METAP1: variants seen among roughly 807,000 people sequenced by gnomAD.
The protein encoded by METAP1 is methionine aminopeptidase 1.
METAP1 carries 28 observed loss-of-function variants against 53.8 expected under a neutral mutation model. The ratio of observed to expected loss-of-function variants is 0.52; its 90% CI spans 0.39 to 0.71. The LOEUF is 0.71. METAP1 is among the 30% of genes least tolerant of loss of function. METAP1 has a pLI of 0.00. For synonymous variants in METAP1, 181 were observed against 165.7 expected (o/e 1.09, Z -0.71); for missense variants, 389 against 479.8 (o/e 0.81, Z 1.77).
rs145601239 is a variant in METAP1, at chr4:99,004,484, T to TAC, written c.114+8645_114+8646dup. The stretch of plus-strand genomic sequence containing the variant: ...ACACACACACACACACACACACACA[T>TAC]ACACACACACACACACACACACACA... On this transcript the variant is annotated intron_variant, in intron 1 of 10. Transcript: ENST00000296411. 4.0e-3 allele frequency among the ~76,000 whole-genome samples: 302 copies of TAC among 75,466 alleles called. 1 individual carries two copies. Among genetic ancestry groups the TAC allele is most frequent in the Middle Eastern group, 0.021 (2 of 94 alleles). 49.5% of individuals were successfully genotyped at this position (75,466 alleles called of 152,430 possible). A position where few individuals can be genotyped will look rare whatever the true frequency, so the allele number is the denominator to read the frequency against.
Position 99,028,889 on chromosome 4 carries a change from C to G in METAP1, c.137C>G (p.Ala46Gly), listed in dbSNP as rs576718710. Reference sequence around the variant, plus strand: ...TAGGAATGTTTTAAAGGAAGTTGGGCTACTCACAAGTTACTACATAAGAAA... The same window carrying G: ...TAGGAATGTTTTAAAGGAAGTTGGGGTACTCACAAGTTACTACATAAGAAA... ...CSQECFKGSW[A>G]THKLLHKKAK... Residue 46 changes from alanine to glycine, a missense_variant, in exon 2 of 11, where the codon GCT becomes GGT. Transcript: ENST00000296411. 26 of 1,545,736 alleles carry G rather than the reference C, an allele frequency of 1.7e-5. No individual in the cohort carries two copies. In the South Asian group the frequency reaches 2.8e-4, roughly 16 times the overall value.
At chr4:99,050,072 C>G (rs891989921) in intron 9 of METAP1, among the ~76,000 whole-genome samples, 7 of 152,124 alleles carry the variant, frequency 4.6e-5, no homozygotes, top group African/African-American at 1.7e-4. Flanking sequence ...TCCCATACTT[C>G]ATGCTGACGA....
At chr4:99,023,613 A>C in intron 1 of METAP1, 1 of 985,454 alleles carries the variant, frequency 1.0e-6, no homozygotes, top group East Asian at 1.1e-4. Context: ...TGGTCACATT[A>C]TGAAAACCAT....
At chr4:99,011,134 T>G (rs1459362747) in intron 1 of METAP1, among the ~76,000 whole-genome samples, 1 of 152,158 alleles carries the variant, frequency 6.6e-6, no homozygotes, top group African/African-American at 2.4e-5. Context: ...CCTTTTTAAT[T>G]TGGATGCCTT....
At chr4:99,023,231 T>C in intron 1 of METAP1, 1 of 444,046 alleles carries the variant, frequency 2.3e-6, no homozygotes, top group Non-Finnish European at 3.8e-6. Flanking sequence ...TTTATATTGA[T>C]GTATATCTAA....
chr4:99,026,611 G>A, intron 1 of METAP1: 3 of 985,414 alleles, frequency 3.0e-6, no homozygotes, highest in Non-Finnish European at 3.6e-6. Context: ...AGGAGGGAAA[G>A]ATTGCCCTGT....
chr4:99,032,764 G>C (rs1359089921), intron 2 of METAP1, among the ~76,000 whole-genome samples: 1 of 152,074 alleles, frequency 6.6e-6, no homozygotes. Flanking sequence ...AGGCTCAGTT[G>C]GCCCCCATTT....
At chr4:99,046,579 A>G (rs1171458036) in intron 8 of METAP1, among the ~76,000 whole-genome samples, 1 of 152,180 alleles carries the variant, frequency 6.6e-6, no homozygotes, top group Non-Finnish European at 1.5e-5. Context: ...CATCAACAGA[A>G]TAGTGAACAG....
intron 1 of METAP1, among the ~76,000 whole-genome samples, chr4:99,024,308 C>T (rs1400268606): frequency 1.3e-5 from 2 of 152,124 alleles, no homozygotes; most frequent in Admixed American, 6.5e-5. Flanking sequence ...TTGGAGAGCT[C>T]GGCTCTTGAG....
In METAP1 at chr4:99,035,408, A is replaced by C. The variant is rs1276042600; in HGVS notation, c.288A>C (p.Thr96=). 1 of 1,547,458 alleles carries C rather than the reference A, an allele frequency of 6.5e-7. No individual in the cohort carries two copies. The highest frequency in any genetic ancestry group is 1.2e-5 in the South Asian group (1 of 83,916). Residue 96 remains threonine (T), a synonymous_variant, in exon 4 of 11, where the codon ACA becomes ACC. Transcript: ENST00000296411. ...KLRPHYPLMP[T]RPVPSYIQRP... The stretch of plus-strand genomic sequence containing the variant: ...ACTAACTTTGTTTTTAGATGCCAAC[A>C]AGGCCAGTGCCAAGTTATATTCAAA...
chr4:99,033,521 G>A (rs540984920), intron 2 of METAP1, among the ~76,000 whole-genome samples: 2 of 152,204 alleles, frequency 1.3e-5, no homozygotes, highest in African/African-American at 4.8e-5. Context: ...TAGAATTCTT[G>A]CGTATATTTC....
chr4:99,038,049 T>A (rs1725559661), intron 4 of METAP1: 1 of 151,964 alleles, frequency 6.6e-6, no homozygotes, highest in South Asian at 2.1e-4. Flanking sequence ...GTACTTCATC[T>A]TTTTAGTTGT....
chr4:99,006,818 T>C (rs1352736485), intron 1 of METAP1, among the ~76,000 whole-genome samples: 1 of 152,248 alleles, frequency 6.6e-6, no homozygotes, highest in Non-Finnish European at 1.5e-5. Context: ...TACTAGCTTC[T>C]TGAAGAGGCT....
chr4:99,001,840 C>T (rs1038598093), intron 1 of METAP1, among the ~76,000 whole-genome samples: 1 of 152,158 alleles, frequency 6.6e-6, no homozygotes, highest in Non-Finnish European at 1.5e-5. Flanking sequence ...GTGGTTCTCA[C>T]AGTGTAGTTA....
chr4:99,007,107 C>T (rs1460675718), intron 1 of METAP1, among the ~76,000 whole-genome samples: 1 of 151,966 alleles, frequency 6.6e-6, no homozygotes, highest in Non-Finnish European at 1.5e-5. Flanking sequence ...ATAGGCATGC[C>T]ACCATGCCTG....
intron 5 of METAP1, among the ~76,000 whole-genome samples, chr4:99,039,827 C>T (rs532159972): frequency 7.4e-4 from 112 of 151,898 alleles, no homozygotes; most frequent in Admixed American, 2.0e-3. Context: ...CTCCTGACCT[C>T]GTGATCTGCC....
intron 1 of METAP1, among the ~76,000 whole-genome samples, chr4:98,999,629 G>C (rs1722827408): frequency 6.7e-6 from 1 of 148,724 alleles, no homozygotes; most frequent in Non-Finnish European, 1.5e-5. Context: ...TGCTGCTTCA[G>C]CCTCCCCAGT....
In METAP1 at chr4:99,034,298, G is replaced by T; in HGVS notation, c.235G>T (p.Ala79Ser). The change falls in exon 3 of 11, where the codon GCA becomes TCA. Residue 79 changes from alanine (A) to serine (S), a missense_variant. Transcript: ENST00000296411. ...AGGTGATATTAATACTGACCCATGG[G>T]CAGGTTATCGATATACTGGTAAACT... Reference protein sequence around the residue: ...VEGDINTDPWAGYRYTGKLRP... With the variant: ...VEGDINTDPWSGYRYTGKLRP... 2 of 1,550,014 alleles carry T rather than the reference G, an allele frequency of 1.3e-6. No homozygotes were observed. The highest frequency in any genetic ancestry group is 2.4e-5 in the East Asian group (1 of 40,884).
Position 98,995,726 on chromosome 4 carries a change from T to C in METAP1, c.-28T>C. 2 of 1,528,444 alleles carry C rather than the reference T, an allele frequency of 1.3e-6. No homozygotes were observed. Among genetic ancestry groups the C allele is most frequent in the Non-Finnish European group, 1.8e-6 (2 of 1,129,978 alleles). 94.7% of individuals were successfully genotyped at this position (1,528,444 alleles called of 1,614,324 possible). A position where few individuals can be genotyped will look rare whatever the true frequency, so the allele number is the denominator to read the frequency against. On this transcript the variant is annotated 5_prime_UTR_variant, in exon 1 of 11. Transcript: ENST00000296411. ...CCTCCCGCCGCCGCCTCTTCCTCGG[T>C]GAGGCGCTCTTCCAGCGGGCAGGCA...
Sources: allele counts gnomAD v4.1 joint callset (sites outside exome capture counted in the v4.1 genomes callset), GRCh38; gene constraint gnomAD v4.1.1; transcripts MANE v1.5; gene names NCBI Gene and HGNC (gene_info 2026-07-23, HGNC 2026-07-21).